The following STARD7 variants were observed in gnomAD, a reference collection of about 807,000 sequenced individuals.
The protein encoded by STARD7 is StAR related lipid transfer domain containing 7.
STARD7 carries 30 observed loss-of-function variants against 45.3 expected under a neutral mutation model. The ratio of observed to expected loss-of-function variants is 0.66; its 90% CI spans 0.50 to 0.90. The LOEUF is 0.90. STARD7 is among the 40% of genes least tolerant of loss of function. The probability of loss-of-function intolerance (pLI) is 0.00; values close to 1 mark genes in which losing one functional copy is unlikely to be tolerated. For synonymous variants in STARD7, 199 were observed against 183.0 expected (o/e 1.09, Z -0.70); for missense variants, 495 against 491.3 (o/e 1.01, Z -0.07).
intron 1 of STARD7, among the ~76,000 whole-genome samples, chr2:96,200,198 C>T (rs915729239): frequency 1.3e-5 from 2 of 152,134 alleles, no homozygotes; most frequent in Non-Finnish European, 2.9e-5. Context: ...TTCAGCTTCC[C>T]AAGTAGCTGG....
intron 5 of STARD7, 73 bp from the exon 6 acceptor site, chr2:96,192,541 G>A (rs1683141350): frequency 5.2e-6 from 6 of 1,161,002 alleles, no homozygotes; most frequent in Non-Finnish European, 7.8e-6. Context: ...CTAAGTTAAG[G>A]GGAAGGCCTA....
At chr2:96,195,053 A>G in intron 2 of STARD7, 46 bp from the exon 3 acceptor site, 1 of 1,535,060 alleles carries the variant, frequency 6.5e-7, no homozygotes, top group Non-Finnish European at 8.9e-7. Context: ...TACTCCAGTC[A>G]CTCGCCTTGT....
In STARD7 at chr2:96,185,544, A is replaced by G. The variant is rs1683022490; in HGVS notation, c.*1186T>C. 6.6e-6 allele frequency: 1 copy of G among 152,254 alleles called. No homozygotes were observed. The highest frequency in any genetic ancestry group is 2.1e-4 in the South Asian group (1 of 4,838). 9.4% of individuals were successfully genotyped at this position (152,254 alleles called of 1,614,324 possible). A position where few individuals can be genotyped will look rare whatever the true frequency, so the allele number is the denominator to read the frequency against. ...AGCATCAGATTGTGACCTTATCTGA[A>G]CAGTGTAGTTCACTTTTATTTTGGC... On this transcript the variant is annotated 3_prime_UTR_variant, in exon 8 of 8. Coordinates refer to ENST00000337288, the MANE Select transcript of STARD7 (RefSeq NM_020151.4).
At chr2:96,190,642 T>C (rs1261116037) in intron 6 of STARD7, among the ~76,000 whole-genome samples, 1 of 151,634 alleles carries the variant, frequency 6.6e-6, no homozygotes, top group African/African-American at 2.4e-5. Flanking sequence ...CTGGCTTTTT[T>C]ATTTTTTATT....
rs575717652 is a variant in STARD7 at position 96,191,513 on chromosome 2, A to T, written c.843+856T>A. ...CTGTACACAGTCAATGCAATTTATC[A>T]CTTCTCCCTAACCTCTACTTTCCTC... is the stretch of plus-strand genomic sequence containing the variant. On this transcript the variant is annotated intron_variant, in intron 6 of 7. Coordinates refer to ENST00000337288, the MANE Select transcript of STARD7 (RefSeq NM_020151.4). 2.0e-5 allele frequency among the ~76,000 whole-genome samples: 3 copies of T among 152,268 alleles called. No homozygotes were observed. In the South Asian group the frequency reaches 6.2e-4, roughly 32 times the overall value.
intron 1 of STARD7, among the ~76,000 whole-genome samples, chr2:96,202,730 C>T (rs1368815597): frequency 6.6e-6 from 1 of 152,214 alleles, no homozygotes; most frequent in African/African-American, 2.4e-5. Flanking sequence ...AGTACAGGCA[C>T]ATGCCACAAC....
At chr2:96,187,580 C>A in intron 6 of STARD7, 1 of 278,298 alleles carries the variant, frequency 3.6e-6, no homozygotes. Flanking sequence ...GTGGTTTATG[C>A]TGAACACAGG....
Position 96,187,279 on chromosome 2 carries a change from G to C in STARD7, c.866C>G (p.Thr289Arg). 6.2e-7 allele frequency: 1 copy of C among 1,613,666 alleles called. No individual in the cohort carries two copies. The change falls in exon 7 of 8, where the codon ACA (threonine) becomes AGA (arginine). Residue 289 changes from threonine to arginine, a missense_variant. By Grantham distance (71) the Thr-to-Arg change is moderately conservative. Transcript: ENST00000337288. ...CACCGTTTGGGGATTGTCACTGTAT[G>C]TTAGTAAGTAGTCAAAGCCATTCTG... ...FDENGFDYLL[T>R]YSDNPQTVFP...
chr2:96,206,408 A>T (rs1221062959), intron 1 of STARD7, among the ~76,000 whole-genome samples: 1 of 152,112 alleles, frequency 6.6e-6, no homozygotes, highest in Non-Finnish European at 1.5e-5. Flanking sequence ...TTACCCCAAC[A>T]ATTCCAACTG....
At chr2:96,196,540 C>A (rs1683210185) in intron 1 of STARD7, among the ~76,000 whole-genome samples, 1 of 152,170 alleles carries the variant, frequency 6.6e-6, no homozygotes, top group Non-Finnish European at 1.5e-5. Flanking sequence ...GGGCTCACTG[C>A]AACTTCCGCC....
intron 1 of STARD7, among the ~76,000 whole-genome samples, chr2:96,207,692 C>T (rs1683420881): frequency 6.6e-6 from 1 of 152,160 alleles, no homozygotes; most frequent in African/African-American, 2.4e-5. Context: ...TGACAGAGGG[C>T]TCTCCTGGCT....
intron 1 of STARD7, among the ~76,000 whole-genome samples, chr2:96,199,687 G>A (rs748782030): frequency 1.3e-5 from 2 of 152,172 alleles, no homozygotes; most frequent in African/African-American, 2.4e-5. Context: ...ATGACCTCCA[G>A]TACAATGTTG....
Position 96,185,018 on chromosome 2 carries a change from C to T in STARD7, c.*1712G>A, listed in dbSNP as rs562872887. ...GAACATGGAGCAACCGCAACTCCTT[C>T]GCACTTGTGCATGTGTGTGCGCTCG... On this transcript the variant is annotated 3_prime_UTR_variant, in exon 8 of 8. Transcript: ENST00000337288. 2.0e-5 allele frequency: 3 copies of T among 152,738 alleles called. No homozygotes were observed. Among genetic ancestry groups the T allele is most frequent in the South Asian group, 2.1e-4 (1 of 4,824 alleles). 9.5% of individuals were successfully genotyped at this position (152,738 alleles called of 1,614,324 possible).
chr2:96,195,629 G>A (rs1480160722), intron 1 of STARD7, 80 bp from the exon 2 acceptor site: 1 of 1,134,790 alleles, frequency 8.8e-7, no homozygotes, highest in Non-Finnish European at 1.3e-6. Flanking sequence ...GTCTGTGCAA[G>A]AAGGTTATAC....
intron 6 of STARD7, chr2:96,188,266 C>CTTTTTTT (rs138935587): frequency 1.8e-5 from 1 of 56,790 alleles, no homozygotes. Flanking sequence ...CAGACCAAGA[C>CTTTTTTT]TTTTTTTTTT....
intron 1 of STARD7, among the ~76,000 whole-genome samples, chr2:96,202,855 T>C (rs1030873081): frequency 3.3e-5 from 5 of 152,204 alleles, no homozygotes; most frequent in African/African-American, 1.2e-4. Context: ...TAATAAAGTT[T>C]TAAGAAAATT....
At position 96,208,427 on chromosome 2, in the gene STARD7, G is replaced by A. The variant is rs1429338289; in HGVS notation, c.8C>T (p.Pro3Leu). The A allele has an allele frequency of 7.2e-7, 1 of 1,384,274 alleles. No homozygotes were observed. Among genetic ancestry groups the A allele is most frequent in the Admixed American group, 3.8e-5 (1 of 26,000 alleles). 85.7% of individuals were successfully genotyped at this position (1,384,274 alleles called of 1,614,324 possible). ...CAGCCAGGCGGCCAGCAGCCTCCGC[G>A]GGAGCATGCCGCCTCCCGCAGGGCC... The part of the protein sequence containing the change: ML[P>L]RRLLAAWLAG... Residue 3 changes from proline to leucine, a missense_variant, in exon 1 of 8, where the codon CCG (proline) becomes CTG (leucine). By Grantham distance (98) the Pro-to-Leu change is moderately conservative. Around this residue, in one of 2 missense-constraint regions of STARD7, gnomAD observed 282 missense variants for 220.1 expected, o/e 1.28. Coordinates refer to ENST00000337288, the MANE Select transcript of STARD7 (RefSeq NM_020151.4).
intron 7 of STARD7, 81 bp from the exon 8 acceptor site, chr2:96,186,995 G>T: frequency 7.6e-7 from 1 of 1,309,710 alleles, no homozygotes; most frequent in Non-Finnish European, 1.1e-6. Context: ...TTTCTTTGAT[G>T]GTAGGGAACT....
chr2:96,197,812 G>A (rs1323426176), intron 1 of STARD7, among the ~76,000 whole-genome samples: 1 of 152,142 alleles, frequency 6.6e-6, no homozygotes, highest in African/African-American at 2.4e-5. Context: ...GACATTTCAA[G>A]TAAATGGAAT....
Sources: allele counts gnomAD v4.1 joint callset (sites outside exome capture counted in the v4.1 genomes callset), GRCh38; gene constraint gnomAD v4.1.1; regional missense constraint gnomAD v4.1.1; transcripts MANE v1.5; gene names NCBI Gene and HGNC (gene_info 2026-07-23, HGNC 2026-07-21).